RAP1GDS1: variants seen among roughly 807,000 people sequenced by gnomAD.
The protein encoded by RAP1GDS1 is Rap1 GTPase-GDP dissociation stimulator 1, also known as RAP1, GTP-GDP dissociation stimulator 1.
RAP1GDS1 carries 35 observed loss-of-function variants against 71.1 expected under a neutral mutation model. The observed-to-expected ratio is 0.49, with a 90% CI of 0.38 to 0.65. The LOEUF (loss-of-function observed/expected upper bound fraction) is 0.65, where lower values mean the gene tolerates loss of function less well. Among genes scored for constraint, RAP1GDS1 ranks in the 30% least tolerant of loss-of-function variants. The probability of loss-of-function intolerance (pLI) is 0.00; values close to 1 mark genes in which losing one functional copy is unlikely to be tolerated. For synonymous variants in RAP1GDS1, 229 were observed against 243.1 expected, an observed-to-expected ratio of 0.94 and a Z score of 0.54; for missense variants, 663 against 706.1, an observed-to-expected ratio of 0.94 and a Z score of 0.69.
chr4:98,333,305 ATATT>A (rs1734258790), intron 2 of RAP1GDS1, among the ~76,000 whole-genome samples: 2 of 152,010 alleles, frequency 1.3e-5, no homozygotes, highest in African/African-American at 2.4e-5. Context: ...AAAATTATAT[ATATT>A]AGAATTTTAA....
intron 2 of RAP1GDS1, among the ~76,000 whole-genome samples, chr4:98,324,693 G>C (rs12512909): frequency 0.095 from 13,281 of 139,792 alleles, 650 homozygotes; most frequent in African/African-American, 0.16. Context: ...TTTAATAAAT[G>C]GTGCTGGGAA....
chr4:98,385,223 A>G (rs1342629590), intron 5 of RAP1GDS1, among the ~76,000 whole-genome samples: 2 of 151,812 alleles, frequency 1.3e-5, no homozygotes, highest in African/African-American at 4.8e-5. Context: ...TATAAAGCAT[A>G]TAGGCAAATT....
chr4:98,435,080 G>T (rs762017437), intron 13 of RAP1GDS1, among the ~76,000 whole-genome samples: 1 of 152,184 alleles, frequency 6.6e-6, no homozygotes, highest in Non-Finnish European at 1.5e-5. Context: ...AAGGCCTAAG[G>T]CTGCTTAACA....
At chr4:98,368,405 G>A (rs2110460652) in intron 4 of RAP1GDS1, among the ~76,000 whole-genome samples, 1 of 152,172 alleles carries the variant, frequency 6.6e-6, no homozygotes, top group South Asian at 2.1e-4. Context: ...TCCATATTAT[G>A]CACTGCTTTT....
intron 4 of RAP1GDS1, among the ~76,000 whole-genome samples, chr4:98,369,928 A>T (rs1477688801): frequency 6.6e-6 from 1 of 152,234 alleles, no homozygotes; most frequent in Admixed American, 6.5e-5. Flanking sequence ...TTCTTTTTAT[A>T]TACATGTTAA....
rs544472635 is a variant in RAP1GDS1, at chr4:98,398,134, ACTTTT to A, written c.637+6058_637+6062del. Among the ~76,000 whole-genome samples the A allele has an allele frequency of 1.5e-3, 232 of 152,258 alleles. 1 individual carries two copies. Among genetic ancestry groups the A allele is most frequent in the Non-Finnish European group, 2.8e-3 (191 of 68,002 alleles). ...GATAAATAGAGAAAAGCAACAGTACACTTTTCTTAAGGAGAACAGAAAAGAGCTTG... is the reference window on the plus strand; with the variant it reads ...GATAAATAGAGAAAAGCAACAGTACACTTAAGGAGAACAGAAAAGAGCTTG... On this transcript the variant is annotated intron_variant, in intron 6 of 14. Coordinates refer to ENST00000408927, the MANE Select transcript of RAP1GDS1 (RefSeq NM_001100427.2).
intron 2 of RAP1GDS1, among the ~76,000 whole-genome samples, chr4:98,342,755 C>G (rs1735674352): frequency 6.6e-6 from 1 of 151,974 alleles, no homozygotes; most frequent in African/African-American, 2.4e-5. Flanking sequence ...TATAGGGAAC[C>G]ATAGAGTTTA....
chr4:98,276,894 A>G (rs1724288025), intron 1 of RAP1GDS1, among the ~76,000 whole-genome samples: 1 of 152,174 alleles, frequency 6.6e-6, no homozygotes, highest in South Asian at 2.1e-4. Context: ...ATGGAAAAAT[A>G]TTGTGAGATC....
rs368674383 is a variant in RAP1GDS1, at chr4:98,287,885, G to A, written c.5-5523G>A. On this transcript the variant is annotated intron_variant, in intron 1 of 14. Transcript: ENST00000408927. Reference sequence around the variant, plus strand: ...GATCTTGCATCTGTGGAACTTCATCGTGGAAACTAATTTATCAAAGTAGCA... The same window carrying A: ...GATCTTGCATCTGTGGAACTTCATCATGGAAACTAATTTATCAAAGTAGCA... 5.6e-4 allele frequency among the ~76,000 whole-genome samples: 85 copies of A among 151,824 alleles called. 1 individual carries two copies. The South Asian group carries it at 0.016, about 29-fold the overall frequency.
At position 98,442,707 on chromosome 4, in the gene RAP1GDS1, G is replaced by GCCACAAA. The variant is rs1752023972; in HGVS notation, c.*592_*598dup. The GCCACAAA allele has an allele frequency of 4.4e-6, 1 of 227,266 alleles. No homozygotes were observed. Among genetic ancestry groups the GCCACAAA allele is most frequent in the Admixed American group, 5.7e-5 (1 of 17,596 alleles). 14.1% of individuals were successfully genotyped at this position (227,266 alleles called of 1,614,324 possible). On this transcript the variant is annotated 3_prime_UTR_variant, in exon 15 of 15. Coordinates refer to ENST00000408927, the MANE Select transcript of RAP1GDS1 (RefSeq NM_001100427.2). ...TTTTCCTTTTTAGACTATTGAAACT[G>GCCACAAA]CCACAAACTTGGCAAGACTTTCTGA...
intron 2 of RAP1GDS1, among the ~76,000 whole-genome samples, chr4:98,326,420 A>G (rs116133920): frequency 2.2e-3 from 339 of 152,214 alleles, no homozygotes; most frequent in African/African-American, 7.9e-3. Flanking sequence ...CTTGAACCTC[A>G]TTCGATAACT....
chr4:98,418,621 A>T, intron 9 of RAP1GDS1, 36 bp from the exon 10 acceptor site: 1 of 1,558,482 alleles, frequency 6.4e-7, no homozygotes, highest in Non-Finnish European at 8.7e-7. Flanking sequence ...TAGATATTTT[A>T]AAGAGGAAGA....
chr4:98,370,292 G>A (rs1043058406), intron 4 of RAP1GDS1, among the ~76,000 whole-genome samples: 8 of 152,050 alleles, frequency 5.3e-5, no homozygotes, highest in Non-Finnish European at 1.0e-4. Flanking sequence ...TTTAAAATAA[G>A]GAAATTTTAC....
At chr4:98,391,608 A>T (rs73834468) in intron 5 of RAP1GDS1, among the ~76,000 whole-genome samples, 1 of 151,958 alleles carries the variant, frequency 6.6e-6, no homozygotes, top group Non-Finnish European at 1.5e-5. Flanking sequence ...GTTACTCTAA[A>T]TTTTTCACTC....
At chr4:98,283,995 C>A (rs547502627) in intron 1 of RAP1GDS1, among the ~76,000 whole-genome samples, 4 of 152,150 alleles carry the variant, frequency 2.6e-5, no homozygotes, top group Admixed American at 2.6e-4. Context: ...GTGTAACTTT[C>A]ATGTAACTGA....
chr4:98,343,103 A>G, intron 2 of RAP1GDS1, 36 bp from the exon 3 acceptor site: 2 of 1,562,856 alleles, frequency 1.3e-6, no homozygotes, highest in Non-Finnish European at 1.7e-6. Flanking sequence ...AGCATTAAAG[A>G]TTTTCACTGA....
At chr4:98,394,451 T>C (rs1012563997) in intron 6 of RAP1GDS1, among the ~76,000 whole-genome samples, 1 of 152,092 alleles carries the variant, frequency 6.6e-6, no homozygotes, top group Non-Finnish European at 1.5e-5. Flanking sequence ...TTTTTTAAAC[T>C]TTAAGAAACT....
At chr4:98,302,173 A>G (rs1328473477) in intron 2 of RAP1GDS1, among the ~76,000 whole-genome samples, 1 of 152,238 alleles carries the variant, frequency 6.6e-6, no homozygotes, top group Non-Finnish European at 1.5e-5. Flanking sequence ...TGTTGCAGTT[A>G]TCATTAACAG....
rs978208203 is a variant in RAP1GDS1 at position 98,347,541 on chromosome 4, A to G, written c.235+4280A>G. On this transcript the variant is annotated intron_variant, in intron 3 of 14. Transcript: ENST00000408927. ...TTGCAAAGAAAAAAAAGTGAATTCT[A>G]TGTTGTGTAGGCAAATACACATATA... Among the ~76,000 whole-genome samples the G allele has an allele frequency of 4.6e-5, 7 of 152,220 alleles. 1 individual carries two copies. The highest frequency in any genetic ancestry group is 2.1e-4 in the South Asian group (1 of 4,834).
Sources: allele counts gnomAD v4.1 joint callset (sites outside exome capture counted in the v4.1 genomes callset), GRCh38; gene constraint gnomAD v4.1.1; transcripts MANE v1.5; gene names NCBI Gene and HGNC (gene_info 2026-07-23, HGNC 2026-07-21).